Variants in CPNE8 observed in about 807,000 individuals in gnomAD.
CPNE8 encodes the protein copine-8.
In CPNE8, 45 loss-of-function variants were observed where a neutral mutation model predicts 81.5. The observed-to-expected ratio is 0.55, with a 90% CI of 0.44 to 0.71. The LOEUF (loss-of-function observed/expected upper bound fraction) is 0.71, where lower values mean the gene tolerates loss of function less well. Among genes scored for constraint, CPNE8 ranks in the 30% least tolerant of loss-of-function variants. The pLI is 0.00. For missense variants in CPNE8, 594 were observed against 672.1 expected (o/e 0.88, Z 1.28); for synonymous variants, 252 against 226.3 (o/e 1.11, Z -1.02).
In CPNE8 at chr12:38,885,512, G is replaced by C. The variant is rs147702606; in HGVS notation, c.99-11001C>G. 2.0e-5 allele frequency among the ~76,000 whole-genome samples: 3 copies of C among 152,084 alleles called. 1 individual carries two copies. The highest frequency in any genetic ancestry group is 2.0e-4 in the Admixed American group (3 of 15,276). On this transcript the variant is annotated intron_variant, in intron 1 of 19. Coordinates refer to ENST00000331366, the MANE Select transcript of CPNE8 (RefSeq NM_153634.3). ...GTTACAGAAGAAAAGGGAAATTTAC[G>C]GTGAAAATACAGATATTTTATACAG...
Position 38,762,102 on chromosome 12 carries a change from T to G in CPNE8, c.680+10A>C. On this transcript the variant is annotated intron_variant, in intron 9 of 19. Transcript: ENST00000331366. Reference sequence around the variant, plus strand: ...TATTTGAAGATTTTTGAATAAACTATCCTTCTTACCTGTCATAGTCTCCAT... The same window carrying G: ...TATTTGAAGATTTTTGAATAAACTAGCCTTCTTACCTGTCATAGTCTCCAT... 7.6e-7 allele frequency: 1 copy of G among 1,312,724 alleles called. No homozygotes were observed. The highest frequency in any genetic ancestry group is 1.0e-6 in the Non-Finnish European group (1 of 972,030). The allele number at this position is 1,312,724 out of a possible 1,614,324, so 81.3% of individuals were successfully genotyped here.
At chr12:38,790,646 T>C (rs996731013) in intron 6 of CPNE8, among the ~76,000 whole-genome samples, 1 of 151,700 alleles carries the variant, frequency 6.6e-6, no homozygotes, top group Non-Finnish European at 1.5e-5. Context: ...AGGGGATGGA[T>C]ACCATATTTT....
In CPNE8 at chr12:38,732,438, T is replaced by G. The variant is rs548176895; in HGVS notation, c.723-2080A>C. The stretch of plus-strand genomic sequence containing the variant: ...GAACTTTGAAGCAGTTCTTTGATAT[T>G]TGGTTCTCTTTTGTTCTAGTTAAAT... On this transcript the variant is annotated intron_variant, in intron 10 of 19. Transcript: ENST00000331366. 3.3e-5 allele frequency among the ~76,000 whole-genome samples: 5 copies of G among 152,062 alleles called. No homozygotes were observed. In the East Asian group the frequency reaches 9.7e-4, roughly 29 times the overall value.
chr12:38,783,182 A>G (rs554977833), intron 6 of CPNE8, among the ~76,000 whole-genome samples: 2 of 152,302 alleles, frequency 1.3e-5, no homozygotes, highest in South Asian at 4.1e-4. Context: ...TAGGACATAG[A>G]TAAGACTGGT....
chr12:38,785,114 G>C (rs115104594), intron 6 of CPNE8, among the ~76,000 whole-genome samples: 2,990 of 151,024 alleles, frequency 0.02, 96 homozygotes, highest in African/African-American at 0.068. Context: ...ATAATCGCTT[G>C]AACCCAGGAG....
intron 1 of CPNE8, among the ~76,000 whole-genome samples, chr12:38,897,151 GC>G (rs1196611911): frequency 1.3e-5 from 2 of 152,054 alleles, no homozygotes; most frequent in African/African-American, 4.8e-5. Flanking sequence ...CCATTTTCTT[GC>G]TGCTATACTC....
upstream of CPNE8, chr12:38,905,806 C>T (rs1212325238): frequency 1.0e-6 from 1 of 985,252 alleles, no homozygotes; most frequent in Non-Finnish European, 1.2e-6. Context: ...CAGGCAGCAG[C>T]CCGGGCGGGG....
intron 6 of CPNE8, among the ~76,000 whole-genome samples, chr12:38,798,943 A>C (rs1942581381): frequency 2.0e-5 from 3 of 152,226 alleles, no homozygotes; most frequent in African/African-American, 7.2e-5. Context: ...AGATCAAAAG[A>C]GACAAAGAAG....
chr12:38,737,790 G>T (rs1940988709), intron 10 of CPNE8, among the ~76,000 whole-genome samples: 1 of 150,504 alleles, frequency 6.6e-6, no homozygotes, highest in East Asian at 2.0e-4. Flanking sequence ...AAAGCACAAA[G>T]AAAAAAAATC....
chr12:38,698,310 T>A (rs905449425), intron 14 of CPNE8, among the ~76,000 whole-genome samples: 1 of 152,244 alleles, frequency 6.6e-6, no homozygotes, highest in Non-Finnish European at 1.5e-5. Context: ...TTCAAGTCCC[T>A]CATGAGAGGT....
At chr12:38,871,996 A>G (rs1389250901) in intron 3 of CPNE8, among the ~76,000 whole-genome samples, 5 of 152,080 alleles carry the variant, frequency 3.3e-5, no homozygotes, top group African/African-American at 1.2e-4. Flanking sequence ...TTAGCCGGGC[A>G]TGGTGGCGCA....
chr12:38,857,926 C>T (rs1344538346), intron 3 of CPNE8, among the ~76,000 whole-genome samples: 2 of 152,074 alleles, frequency 1.3e-5, no homozygotes, highest in Non-Finnish European at 2.9e-5. Flanking sequence ...CTTAATTCTC[C>T]CTGTTGATAA....
chr12:38,745,368 C>T (rs555454050), intron 10 of CPNE8, among the ~76,000 whole-genome samples: 2 of 152,174 alleles, frequency 1.3e-5, no homozygotes, highest in African/African-American at 4.8e-5. Flanking sequence ...CAGGAAACAT[C>T]CATGCTTTGC....
chr12:38,905,594 G>A, upstream of CPNE8: 1 of 1,533,926 alleles, frequency 6.5e-7, no homozygotes, highest in Non-Finnish European at 8.8e-7. Flanking sequence ...GGCGGACTGA[G>A]GGCTAGCTCC....
intron 10 of CPNE8, among the ~76,000 whole-genome samples, chr12:38,748,829 A>C (rs78882859): frequency 0.012 from 1,886 of 152,360 alleles, 28 homozygotes; most frequent in Non-Finnish European, 0.022. Flanking sequence ...TACCTTAAAA[A>C]TATAAAAATA....
intron 16 of CPNE8, among the ~76,000 whole-genome samples, chr12:38,684,375 T>C (rs973213599): frequency 6.6e-6 from 1 of 152,062 alleles, no homozygotes; most frequent in Non-Finnish European, 1.5e-5. Flanking sequence ...TAAGTACCAT[T>C]TCATGAGTAA....
intron 1 of CPNE8, among the ~76,000 whole-genome samples, chr12:38,890,789 A>G (rs1017238142): frequency 6.6e-6 from 1 of 151,778 alleles, no homozygotes; most frequent in Non-Finnish European, 1.5e-5. Context: ...TTATTTTTCT[A>G]CTTAGGTATT....
Position 38,713,065 on chromosome 12 carries a change from T to C in CPNE8, c.915-10144A>G, listed in dbSNP as rs531049385. 3.3e-5 allele frequency among the ~76,000 whole-genome samples: 5 copies of C among 152,312 alleles called. No homozygotes were observed. In the South Asian group the frequency reaches 8.3e-4, roughly 25 times the overall value. On this transcript the variant is annotated intron_variant, in intron 13 of 19. Transcript: ENST00000331366. ...ATAATCATTGTTATTCATATTCCTA[T>C]TTTACAGAAATGAAAACAGGTTATG...
Position 38,760,895 on chromosome 12 carries a change from A to G in CPNE8, c.681-7T>C, listed in dbSNP as rs767721744. The G allele has an allele frequency of 6.4e-6, 10 of 1,551,550 alleles. No individual in the cohort carries two copies. In the East Asian group the frequency reaches 2.0e-4, roughly 30 times the overall value. On this transcript the variant is annotated splice_region_variant and splice_polypyrimidine_tract_variant and intron_variant, in intron 9 of 19. Coordinates refer to ENST00000331366, the MANE Select transcript of CPNE8 (RefSeq NM_153634.3). ...CACCTCTACTTTGATTGTTCTGTAC[A>G]TGAGAAAAACATACACATAAAGTTA...
Sources: allele counts gnomAD v4.1 joint callset (sites outside exome capture counted in the v4.1 genomes callset), GRCh38; gene constraint gnomAD v4.1.1; transcripts MANE v1.5; gene names NCBI Gene and HGNC (gene_info 2026-07-23, HGNC 2026-07-21).